The following CHAF1A variants were observed in gnomAD, a reference collection of about 807,000 sequenced individuals.
CHAF1A encodes the protein chromatin assembly factor 1 subunit A.
Under a neutral mutation model 93.2 loss-of-function variants are expected in CHAF1A, and 5 were observed. The ratio of observed to expected loss-of-function variants is 0.05; its 90% CI spans 0.03 to 0.11. The LOEUF (loss-of-function observed/expected upper bound fraction) is 0.11, where lower values mean the gene tolerates loss of function less well. Among genes scored for constraint, CHAF1A ranks in the 10% least tolerant of loss-of-function variants. The pLI is 1.00. For missense variants in CHAF1A, 1,102 were observed against 1,259.9 expected (o/e 0.87, Z 1.90); for synonymous variants, 504 against 510.3 (o/e 0.99, Z 0.17).
chr19:4,418,234 T>C (rs893455417), intron 4 of CHAF1A, among the ~76,000 whole-genome samples, 158 bp downstream of exon 4: 1 of 152,200 alleles, frequency 6.6e-6, no homozygotes, highest in Non-Finnish European at 1.5e-5. Context: ...GTACTTGGAC[T>C]TCATGGTTTG....
intron 2 of CHAF1A, among the ~76,000 whole-genome samples, chr19:4,408,222 C>T (rs1165866753): frequency 3.5e-5 from 5 of 143,746 alleles, no homozygotes; most frequent in African/African-American, 1.0e-4. Flanking sequence ...TTGAGAGTTT[C>T]GCTCAGGTCG....
chr19:4,414,780 CT>C (rs1455976069), intron 3 of CHAF1A, among the ~76,000 whole-genome samples: 2 of 152,136 alleles, frequency 1.3e-5, no homozygotes, highest in African/African-American at 4.8e-5. Context: ...TGGCCTTGGG[CT>C]GTTAAGGAGA....
intron 13 of CHAF1A, 139 bp from the exon 14 acceptor site, chr19:4,442,106 T>G: frequency 1.5e-6 from 1 of 660,940 alleles, no homozygotes; most frequent in Non-Finnish European, 2.7e-6. Context: ...TGTTACCAAA[T>G]TGGGTTCTGG....
At chr19:4,432,886 C>T (rs1599658798) in intron 12 of CHAF1A, among the ~76,000 whole-genome samples, 184 bp from the exon 13 acceptor site, 1 of 152,126 alleles carries the variant, frequency 6.6e-6, no homozygotes, top group African/African-American at 2.4e-5. Flanking sequence ...GGCCAAGGCT[C>T]ACTTCTGGGC....
chr19:4,448,829 G>A (rs1313982465), downstream of CHAF1A: 10 of 209,644 alleles, frequency 4.8e-5, no homozygotes, highest in Admixed American at 2.6e-4. Context: ...CATGATGGAC[G>A]TTCTGGAACC....
intron 10 of CHAF1A, chr19:4,429,995 G>A (rs1044417787): frequency 1.3e-5 from 7 of 539,020 alleles, no homozygotes; most frequent in African/African-American, 7.7e-5. Flanking sequence ...ACTCGCCCAC[G>A]TGGCTGCTGG....
chr19:4,404,682 T>A (rs1355572508), intron 1 of CHAF1A, among the ~76,000 whole-genome samples: 2 of 152,194 alleles, frequency 1.3e-5, no homozygotes, highest in African/African-American at 2.4e-5. Context: ...TTTTATGTAA[T>A]GCTTACAAAA....
chr19:4,434,117 C>T (rs1974239475), intron 13 of CHAF1A, among the ~76,000 whole-genome samples: 1 of 151,820 alleles, frequency 6.6e-6, no homozygotes, highest in Non-Finnish European at 1.5e-5. Flanking sequence ...GAGGCTGAGG[C>T]GGGAGGATCA....
intron 13 of CHAF1A, among the ~76,000 whole-genome samples, chr19:4,439,577 G>A (rs57379122): frequency 5.0e-4 from 76 of 152,342 alleles, no homozygotes; most frequent in African/African-American, 1.3e-3. Context: ...GTGTCAACGC[G>A]TCTCCTGTGT....
intron 4 of CHAF1A, among the ~76,000 whole-genome samples, chr19:4,420,951 C>T (rs377103345): frequency 4.6e-5 from 7 of 152,102 alleles, no homozygotes; most frequent in African/African-American, 1.7e-4. Flanking sequence ...GTGGTCCCAG[C>T]TACTCGGGAG....
downstream of CHAF1A, chr19:4,446,907 C>T (rs1480932276): frequency 6.2e-7 from 1 of 1,613,898 alleles, no homozygotes; most frequent in Non-Finnish European, 8.5e-7. Flanking sequence ...CCCTTCCAGG[C>T]AGTTAATGCG....
chr19:4,445,446 C>A, downstream of CHAF1A: 1 of 1,609,548 alleles, frequency 6.2e-7, no homozygotes, highest in South Asian at 1.1e-5. Context: ...GGGAGAGGAA[C>A]AGGGAGAGCA....
Position 4,443,322 on chromosome 19 carries a change from A to G in CHAF1A, c.*297A>G, listed in dbSNP as rs1974432487. ...ATACTTGTAAATGAATTGAAGCGTC[A>G]GGACCACCCGCCTGGCCACGTGCGC... On this transcript the variant is annotated 3_prime_UTR_variant, in exon 15 of 15. Transcript: ENST00000301280. 1.0e-5 allele frequency: 4 copies of G among 386,982 alleles called. No individual in the cohort carries two copies. Among genetic ancestry groups the G allele is most frequent in the South Asian group, 7.4e-5 (3 of 40,690 alleles). 24.0% of individuals were successfully genotyped at this position (386,982 alleles called of 1,614,324 possible).
chr19:4,432,170 G>A lies in CHAF1A; in HGVS notation c.2166G>A (p.Thr722=), dbSNP rs773536352. Residue 722 remains threonine, a synonymous_variant, in exon 12 of 15, where the codon ACG becomes ACA. Transcript: ENST00000301280. The part of the protein sequence containing the change: ...LETLPAQEEQ[T]PKASKRERRD... Reference sequence around the variant, plus strand: ...CCCTGCCGGCCCAGGAGGAGCAGACGCCCAAGGCCTCCAAGCGGGAGAGGA... The same window carrying A: ...CCCTGCCGGCCCAGGAGGAGCAGACACCCAAGGCCTCCAAGCGGGAGAGGA... The A allele has an allele frequency of 5.6e-6, 9 of 1,611,540 alleles. No individual in the cohort carries two copies. The highest frequency in any genetic ancestry group is 2.2e-5 in the South Asian group (2 of 90,998).
chr19:4,405,640 C>G (rs550095610), intron 1 of CHAF1A, among the ~76,000 whole-genome samples: 1 of 150,846 alleles, frequency 6.6e-6, no homozygotes, highest in African/African-American at 2.4e-5. Flanking sequence ...TTTTTTTGGC[C>G]CATATAATTC....
At chr19:4,425,548 T>G (rs975641086) in intron 7 of CHAF1A, among the ~76,000 whole-genome samples, 5 of 152,144 alleles carry the variant, frequency 3.3e-5, no homozygotes, top group African/African-American at 1.2e-4. Flanking sequence ...GGTCTCACTG[T>G]GTTGCCAGGG....
rs139033845 is a variant in CHAF1A at position 4,433,397 on chromosome 19, C to T, written c.2531C>T (p.Ser844Leu). Residue 844 changes from serine (S) to leucine (L), a missense_variant, in exon 13 of 15, where the codon TCG becomes TTG. Physicochemically the swap from Ser to Leu is moderately radical, Grantham distance 145. Around this residue, in one of 6 missense-constraint regions of CHAF1A, gnomAD observed 76 missense variants for 129.8 expected, o/e 0.59. Transcript: ENST00000301280. This position sits in a 1 kb window ranked among gnomAD's most constrained non-coding sequence, Gnocchi z 5.6. ...CCGTGCCAGTGGAGCTATGTGACAT[C>T]GGTGCCCTCGGCCCCCAAAGAGGAC... is the stretch of plus-strand genomic sequence containing the variant. ...PVPCQWSYVT[S>L]VPSAPKEDSG... The T allele has an allele frequency of 1.9e-5, 31 of 1,612,498 alleles. No individual in the cohort carries two copies. Among genetic ancestry groups the T allele is most frequent in the East Asian group, 1.8e-4 (8 of 44,822 alleles).
intron 13 of CHAF1A, among the ~76,000 whole-genome samples, chr19:4,440,310 C>T (rs1306247260): frequency 6.6e-6 from 1 of 151,864 alleles, no homozygotes; most frequent in Non-Finnish European, 1.5e-5. Flanking sequence ...GGAAACAGCT[C>T]AGGAATCTTA....
In CHAF1A at chr19:4,409,573, C is replaced by A. The variant is rs143281078; in HGVS notation, c.774C>A (p.Ala258=). ...CACCGCAAATCAAGTCCCTTCCAGC[C>A]ACACCCCAAGGCAAGAACATGACCC... ...VRPPQIKSLP[A]TPQGKNMTPE... Residue 258 remains alanine, a synonymous_variant, in exon 3 of 15, where the codon GCC becomes GCA. Transcript: ENST00000301280. The A allele has an allele frequency of 1.2e-5, 19 of 1,614,024 alleles. No homozygotes were observed. The African/African-American group carries it at 2.4e-4, about 20-fold the overall frequency.
Sources: gnomAD v4.1 joint callset for allele counts (sites outside exome capture counted in the v4.1 genomes callset) on GRCh38, gnomAD v4.1.1 for gene constraint, gnomAD v4.1.1 regional missense constraint, Gnocchi (gnomAD v3.1) non-coding constraint, MANE v1.5 for transcripts, NCBI Gene and HGNC (gene_info 2026-07-23, HGNC 2026-07-21) for gene names.